The following PTPRM variants were observed in gnomAD, a reference collection of about 807,000 sequenced individuals.
PTPRM encodes the protein protein tyrosine phosphatase receptor type M.
In PTPRM, 47 loss-of-function variants were observed where a neutral mutation model predicts 186.7. The observed-to-expected ratio is 0.25, with a 90% CI of 0.20 to 0.32. The LOEUF (loss-of-function observed/expected upper bound fraction) is 0.32, where lower values mean the gene tolerates loss of function less well. Among genes scored for constraint, PTPRM ranks in the 10% least tolerant of loss-of-function variants. The pLI is 1.00. For missense variants in PTPRM, 1,494 were observed against 1,865.0 expected (o/e 0.80, Z 3.66); for synonymous variants, 668 against 674.9 (o/e 0.99, Z 0.16).
At chr18:7,890,191 C>T (rs1002619411) in intron 3 of PTPRM, among the ~76,000 whole-genome samples, 5 of 152,198 alleles carry the variant, frequency 3.3e-5, no homozygotes, top group Non-Finnish European at 7.3e-5. Flanking sequence ...TTTTGCTTTT[C>T]TCTTTCTTTA....
chr18:7,624,233 G>A (rs970019556), intron 1 of PTPRM, among the ~76,000 whole-genome samples: 38 of 152,134 alleles, frequency 2.5e-4, no homozygotes, highest in African/African-American at 9.2e-4. Context: ...GCTCTTCCAT[G>A]TTCTTTCCAC....
intron 11 of PTPRM, among the ~76,000 whole-genome samples, chr18:8,092,847 C>T (rs753916530): frequency 3.3e-5 from 5 of 151,968 alleles, no homozygotes; most frequent in Non-Finnish European, 7.4e-5. Context: ...AAAAACATAG[C>T]GGAGCATGGG....
chr18:7,699,933 C>T (rs996844226), intron 1 of PTPRM, among the ~76,000 whole-genome samples: 1 of 152,086 alleles, frequency 6.6e-6, no homozygotes, highest in Admixed American at 6.5e-5. Flanking sequence ...TTCAATTGAT[C>T]CAGCACCATT....
At chr18:7,910,619 C>T (rs2050212373) in intron 4 of PTPRM, among the ~76,000 whole-genome samples, 1 of 152,154 alleles carries the variant, frequency 6.6e-6, no homozygotes, top group Non-Finnish European at 1.5e-5. Flanking sequence ...GTTACACCCT[C>T]TGCAAACATC....
chr18:7,813,144 G>A (rs1302753023), intron 2 of PTPRM, among the ~76,000 whole-genome samples: 1 of 152,222 alleles, frequency 6.6e-6, no homozygotes, highest in Non-Finnish European at 1.5e-5. Context: ...ACATATGCCA[G>A]TGCCATGTTC....
At chr18:8,170,871 C>G (rs1824123077) in intron 14 of PTPRM, among the ~76,000 whole-genome samples, 1 of 152,318 alleles carries the variant, frequency 6.6e-6, no homozygotes, top group East Asian at 1.9e-4. Flanking sequence ...ATAGACTGAC[C>G]ACTGATTGTC....
At chr18:7,727,808 T>C (rs1333605864) in intron 1 of PTPRM, among the ~76,000 whole-genome samples, 1 of 152,250 alleles carries the variant, frequency 6.6e-6, no homozygotes, top group East Asian at 1.9e-4. Context: ...CAAAGAATTA[T>C]GTTAAGTGTT....
At chr18:8,019,523 C>T (rs553470704) in intron 7 of PTPRM, among the ~76,000 whole-genome samples, 1 of 151,920 alleles carries the variant, frequency 6.6e-6, no homozygotes, top group African/African-American at 2.4e-5. Context: ...AGTCTTTGTT[C>T]AGTATTTTTT....
intron 1 of PTPRM, among the ~76,000 whole-genome samples, chr18:7,679,555 T>A (rs111980171): frequency 0.027 from 4,069 of 152,226 alleles, 135 homozygotes; most frequent in African/African-American, 0.077. Flanking sequence ...ATCCCAGCTA[T>A]TCGGGAGGCC....
chr18:8,238,887 G>A (rs117191766), intron 14 of PTPRM, among the ~76,000 whole-genome samples: 7,135 of 151,298 alleles, frequency 0.047, 248 homozygotes, highest in Non-Finnish European at 0.069. Flanking sequence ...GGATAGGATG[G>A]CTAACGTGGG....
At chr18:8,360,034 A>G (rs560987587) in intron 23 of PTPRM, among the ~76,000 whole-genome samples, 7 of 152,292 alleles carry the variant, frequency 4.6e-5, no homozygotes, top group Non-Finnish European at 1.0e-4. Context: ...ACATAAATAC[A>G]TGAGTAACCA....
intron 7 of PTPRM, among the ~76,000 whole-genome samples, chr18:8,008,457 G>T (rs538373192): frequency 1.3e-5 from 2 of 152,184 alleles, no homozygotes; most frequent in South Asian, 4.2e-4. Flanking sequence ...TTTACTTATT[G>T]TTTTTATGAA....
rs752110255 is a variant in PTPRM at position 8,126,027 on chromosome 18, A to ATTT, written c.2167+11202_2167+11204dup. 9.0e-3 allele frequency among the ~76,000 whole-genome samples: 627 copies of ATTT among 69,418 alleles called. 44 individuals carry two copies. Among genetic ancestry groups the ATTT allele is most frequent in the East Asian group, 0.03 (55 of 1,818 alleles). 45.5% of individuals were successfully genotyped at this position (69,418 alleles called of 152,430 possible). On this transcript the variant is annotated intron_variant, in intron 13 of 32. Coordinates refer to ENST00000580170, the MANE Select transcript of PTPRM (RefSeq NM_001105244.2). ...TATATATATATATATATATATATAT[A>ATTT]TTTTAAATCAGTAGACCTTTCCATT...
intron 4 of PTPRM, among the ~76,000 whole-genome samples, chr18:7,914,560 AC>A: frequency 6.6e-6 from 1 of 152,248 alleles, no homozygotes; most frequent in East Asian, 1.9e-4. Context: ...TAGTTAATGT[AC>A]ATATAGAATT....
At chr18:8,228,044 G>T (rs1157049819) in intron 14 of PTPRM, among the ~76,000 whole-genome samples, 1 of 152,206 alleles carries the variant, frequency 6.6e-6, no homozygotes, top group Admixed American at 6.5e-5. Flanking sequence ...ACTTATTTCA[G>T]TGTTTAAAAA....
At chr18:8,232,191 A>G (rs553460149) in intron 14 of PTPRM, among the ~76,000 whole-genome samples, 1 of 152,288 alleles carries the variant, frequency 6.6e-6, no homozygotes, top group Admixed American at 6.5e-5. Context: ...TGCAAAAGCA[A>G]TTGCATTTTT....
At chr18:8,273,103 C>G (rs1357911023) in intron 19 of PTPRM, among the ~76,000 whole-genome samples, 1 of 152,032 alleles carries the variant, frequency 6.6e-6, no homozygotes, top group Non-Finnish European at 1.5e-5. Context: ...TAACATATAG[C>G]TAGATTTTAG....
chr18:8,284,591 A>T (rs113043759), intron 19 of PTPRM, among the ~76,000 whole-genome samples: 4,196 of 133,574 alleles, frequency 0.031, 71 homozygotes, highest in Middle Eastern at 0.053. Context: ...ACTAAAAATT[A>T]AAAAAAAAAT....
intron 7 of PTPRM, among the ~76,000 whole-genome samples, chr18:7,979,021 C>G (rs148574615): frequency 6.6e-6 from 1 of 152,218 alleles, no homozygotes; most frequent in African/African-American, 2.4e-5. Flanking sequence ...TTGAATGTTG[C>G]CTGGGTGACC....
Sources: gnomAD v4.1 joint callset for allele counts (sites outside exome capture counted in the v4.1 genomes callset) on GRCh38, gnomAD v4.1.1 for gene constraint, MANE v1.5 for transcripts, NCBI Gene and HGNC (gene_info 2026-07-23, HGNC 2026-07-21) for gene names.